The following ATP6V0A4 variants were observed in gnomAD, a reference collection of about 807,000 sequenced individuals.
ATP6V0A4 encodes the protein V-type proton ATPase 116 kDa subunit a 4.
In ATP6V0A4, 86 loss-of-function variants were observed where a neutral mutation model predicts 107.3. The ratio of observed to expected loss-of-function variants is 0.80; its 90% CI spans 0.67 to 0.96. The LOEUF (loss-of-function observed/expected upper bound fraction) is 0.96, where lower values mean the gene tolerates loss of function less well. Among genes scored for constraint, ATP6V0A4 ranks in the 40% least tolerant of loss-of-function variants. ATP6V0A4 has a pLI of 0.00. For missense variants in ATP6V0A4, 908 were observed against 1,045.6 expected (o/e 0.87, Z 1.81); for synonymous variants, 353 against 381.4 (o/e 0.93, Z 0.87).
Position 138,709,785 on chromosome 7 carries a change from T to C in ATP6V0A4, c.2268A>G (p.Glu756=), listed in dbSNP as rs531383955. 2 of 1,613,996 alleles carry C rather than the reference T, an allele frequency of 1.2e-6. No homozygotes were observed. The highest frequency in any genetic ancestry group is 2.2e-5 in the South Asian group (2 of 91,084). ...ALSLAHAQLS[E]VLWTMVMNSG... is the part of the protein sequence containing the mutation. ...TGTTCATCACCATAGTCCAGAGCAC[T>C]TCAGACAGTTCTGCAAGGTACGAGA... Residue 756 remains glutamate (E), a synonymous_variant, in exon 21 of 22, where the codon GAA becomes GAG. Coordinates refer to ENST00000310018, the MANE Select transcript of ATP6V0A4 (RefSeq NM_020632.3).
chr7:138,794,353 T>C (rs1194659675), intron 1 of ATP6V0A4, among the ~76,000 whole-genome samples: 1 of 151,968 alleles, frequency 6.6e-6, no homozygotes, highest in Non-Finnish European at 1.5e-5. Flanking sequence ...GATGGACAGG[T>C]GGCAACGGGG....
At position 138,755,420 on chromosome 7, in the gene ATP6V0A4, A is replaced by T. The variant is rs75531115; in HGVS notation, c.816+269T>A. ...AGGCTGGCAATAAAGGGTGCCTTTTATCAGATCGGGGTGGCCACCTGAAGG... is the reference window on the plus strand; with the variant it reads ...AGGCTGGCAATAAAGGGTGCCTTTTTTCAGATCGGGGTGGCCACCTGAAGG... On this transcript the variant is annotated intron_variant, in intron 10 of 21. Transcript: ENST00000310018. Among the ~76,000 whole-genome samples, 4,738 of 152,254 alleles carry T rather than the reference A, an allele frequency of 0.031. 240 individuals are homozygous for T. The highest frequency in any genetic ancestry group is 0.11 in the African/African-American group (4,487 of 41,504).
chr7:138,796,420 A>G (rs2130247274), intron 1 of ATP6V0A4, among the ~76,000 whole-genome samples: 1 of 152,248 alleles, frequency 6.6e-6, no homozygotes, highest in Admixed American at 6.5e-5. Context: ...GTTACACTCC[A>G]CTAGGAAATC....
At chr7:138,746,748 C>T (rs949842170) in intron 13 of ATP6V0A4, among the ~76,000 whole-genome samples, 2 of 152,164 alleles carry the variant, frequency 1.3e-5, no homozygotes, top group African/African-American at 4.8e-5. Context: ...AAATGACCCA[C>T]CCACCATGGC....
At chr7:138,752,289 G>C (rs561593376) in intron 11 of ATP6V0A4, among the ~76,000 whole-genome samples, 10 of 152,068 alleles carry the variant, frequency 6.6e-5, no homozygotes, top group African/African-American at 2.2e-4. Flanking sequence ...AGAATCACTT[G>C]AACCCGGGAG....
At chr7:138,763,975 AAT>A (rs1554399507) in intron 5 of ATP6V0A4, among the ~76,000 whole-genome samples, 32 of 143,600 alleles carry the variant, frequency 2.2e-4, no homozygotes, top group South Asian at 6.5e-4. Context: ...TCAAAAAAAA[AAT>A]ATATATATAT....
chr7:138,728,997 T>C (rs1804853233), intron 17 of ATP6V0A4, 135 bp from the exon 18 acceptor site: 2 of 1,532,002 alleles, frequency 1.3e-6, no homozygotes, highest in South Asian at 1.2e-5. Context: ...AATGAATCCA[T>C]TCACCTTCAC....
chr7:138,718,939 C>T (rs1425850633), intron 19 of ATP6V0A4, among the ~76,000 whole-genome samples: 1 of 151,936 alleles, frequency 6.6e-6, no homozygotes, highest in Non-Finnish European at 1.5e-5. Flanking sequence ...AATCCCAGCA[C>T]TTTGGAAGGC....
chr7:138,721,851 T>C (rs1026990408), intron 19 of ATP6V0A4, 46 bp downstream of exon 19: 2 of 1,608,360 alleles, frequency 1.2e-6, no homozygotes, highest in Non-Finnish European at 1.7e-6. Flanking sequence ...ATTCTAGAAT[T>C]TGTACAAACT....
chr7:138,773,033 C>T lies in ATP6V0A4; in HGVS notation c.-17-1769G>A, dbSNP rs1230521502. ...ACGGCCCTACTGCTGCCAAATCACACTTTTTCCCCCCAGGTCAACCTTCTG... is the reference window on the plus strand; with the variant it reads ...ACGGCCCTACTGCTGCCAAATCACATTTTTTCCCCCCAGGTCAACCTTCTG... On this transcript the variant is annotated intron_variant, in intron 2 of 21. Transcript: ENST00000310018. The surrounding 1 kb of genome is among the most constrained non-coding windows in gnomAD (Gnocchi z 5.4). Among the ~76,000 whole-genome samples the T allele has an allele frequency of 6.6e-6, 1 of 152,160 alleles. No individual in the cohort carries two copies. The highest frequency in any genetic ancestry group is 1.5e-5 in the Non-Finnish European group (1 of 68,022).
intron 2 of ATP6V0A4, among the ~76,000 whole-genome samples, chr7:138,783,779 T>C (rs1368473792): frequency 2.0e-5 from 3 of 152,188 alleles, no homozygotes; most frequent in East Asian, 3.8e-4. Flanking sequence ...CCATGATGTA[T>C]ATCTGAGACA....
At chr7:138,762,500 C>T in intron 6 of ATP6V0A4, 66 bp from the exon 7 acceptor site, 1 of 1,598,206 alleles carries the variant, frequency 6.3e-7, no homozygotes, top group South Asian at 1.1e-5. Context: ...GCACCTACAC[C>T]TCAAGATTTT....
At chr7:138,727,079 G>C (rs1804759251) in intron 18 of ATP6V0A4, among the ~76,000 whole-genome samples, 1 of 136,764 alleles carries the variant, frequency 7.3e-6, no homozygotes, top group Non-Finnish European at 1.5e-5. Context: ...ATGAGTTTGA[G>C]AGCAGCCTGG....
intron 2 of ATP6V0A4, among the ~76,000 whole-genome samples, chr7:138,779,732 C>T (rs2130181765): frequency 6.6e-6 from 1 of 152,254 alleles, no homozygotes; most frequent in South Asian, 2.1e-4. Flanking sequence ...CCTGATACCC[C>T]ATAACTTCAT....
chr7:138,717,364 G>A (rs1319166942), intron 19 of ATP6V0A4, among the ~76,000 whole-genome samples: 2 of 151,524 alleles, frequency 1.3e-5, no homozygotes, highest in African/African-American at 2.4e-5. Context: ...TGGCGAACAC[G>A]GTGAAACCTC....
chr7:138,717,414 C>T (rs900630362), intron 19 of ATP6V0A4, among the ~76,000 whole-genome samples: 1 of 151,966 alleles, frequency 6.6e-6, no homozygotes, highest in Non-Finnish European at 1.5e-5. Context: ...GGTGTGGTGG[C>T]GTGCACCTGT....
intron 8 of ATP6V0A4, among the ~76,000 whole-genome samples, chr7:138,756,886 C>T (rs1192257664): frequency 6.6e-6 from 1 of 152,226 alleles, no homozygotes; most frequent in Non-Finnish European, 1.5e-5. Context: ...AAAACGAAGA[C>T]AGCTGGCTGA....
chr7:138,759,671 C>A (rs1806693576), intron 8 of ATP6V0A4, 81 bp downstream of exon 8: 1 of 1,452,512 alleles, frequency 6.9e-7, no homozygotes, highest in Admixed American at 1.7e-5. Context: ...TAAAGATCCC[C>A]CATGTTTTGG....
intron 18 of ATP6V0A4, among the ~76,000 whole-genome samples, chr7:138,723,314 T>C (rs1206487715): frequency 6.6e-6 from 1 of 152,018 alleles, no homozygotes; most frequent in Admixed American, 6.6e-5. Flanking sequence ...AAATTAACTA[T>C]AAAAATAGCT....
Sources: allele counts gnomAD v4.1 joint callset (sites outside exome capture counted in the v4.1 genomes callset), GRCh38; gene constraint gnomAD v4.1.1; non-coding constraint Gnocchi (gnomAD v3.1); transcripts MANE v1.5; gene names NCBI Gene and HGNC (gene_info 2026-07-23, HGNC 2026-07-21).